Variants in DYM observed in about 807,000 individuals in gnomAD.
The protein encoded by DYM is dyggve-Melchior-Clausen syndrome protein.
In DYM, 78 loss-of-function variants were observed where a neutral mutation model predicts 93.1. That is an observed-to-expected ratio of 0.84 (90% CI 0.70 to 1.01). The LOEUF (loss-of-function observed/expected upper bound fraction) is 1.01. DYM is among the 50% of genes least tolerant of loss of function. DYM has a pLI of 0.00. For synonymous variants in DYM, 321 were observed against 319.7 expected, an observed-to-expected ratio of 1.00 and a Z score of -0.04; for missense variants, 789 against 845.0, an observed-to-expected ratio of 0.93 and a Z score of 0.82.
At chr18:49,259,244 A>C (rs1176727962) in intron 11 of DYM, among the ~76,000 whole-genome samples, 1 of 152,240 alleles carries the variant, frequency 6.6e-6, no homozygotes, top group Admixed American at 6.5e-5. Flanking sequence ...TTGCAAAACA[A>C]GTTAGTTAGA....
chr18:49,299,645 A>G (rs1275811613), intron 8 of DYM, among the ~76,000 whole-genome samples: 3 of 152,060 alleles, frequency 2.0e-5, no homozygotes, highest in African/African-American at 4.8e-5. Context: ...ATTCCTTTGT[A>G]CTCCTAGGAT....
chr18:49,094,581 C>A (rs903529437), intron 17 of DYM, among the ~76,000 whole-genome samples: 1 of 152,136 alleles, frequency 6.6e-6, no homozygotes, highest in South Asian at 2.1e-4. Flanking sequence ...ACTATTTACT[C>A]TGAACAGCCA....
chr18:49,421,475 T>C (rs1415109975), intron 2 of DYM, among the ~76,000 whole-genome samples: 1 of 152,068 alleles, frequency 6.6e-6, no homozygotes, highest in Non-Finnish European at 1.5e-5. Flanking sequence ...AGAAAGGACA[T>C]CCACACCAAA....
intron 10 of DYM, among the ~76,000 whole-genome samples, chr18:49,273,415 T>C (rs1218619240): frequency 1.3e-5 from 2 of 152,186 alleles, no homozygotes; most frequent in African/African-American, 4.8e-5. Context: ...CATAGTTACA[T>C]TTTTTAGTCA....
chr18:49,435,676 C>G (rs917747427), intron 1 of DYM, among the ~76,000 whole-genome samples: 4 of 151,816 alleles, frequency 2.6e-5, no homozygotes, highest in African/African-American at 9.7e-5. Context: ...GTAATCCCAG[C>G]TACTCAGGAG....
At chr18:49,170,757 G>A (rs1385143362) in intron 14 of DYM, among the ~76,000 whole-genome samples, 1 of 134,842 alleles carries the variant, frequency 7.4e-6, no homozygotes, top group Admixed American at 8.1e-5. Context: ...CTCCAGCCTG[G>A]GCAACAAAGT....
At chr18:49,305,010 A>G (rs2061189473) in intron 8 of DYM, among the ~76,000 whole-genome samples, 1 of 151,906 alleles carries the variant, frequency 6.6e-6, no homozygotes, top group Non-Finnish European at 1.5e-5. Context: ...CCTGACTACC[A>G]CTTCCCAGCA....
chr18:49,155,375 A>G (rs138154121), intron 15 of DYM, among the ~76,000 whole-genome samples: 82 of 152,262 alleles, frequency 5.4e-4, no homozygotes, highest in Non-Finnish European at 4.6e-4. Context: ...TTTTTTTTCA[A>G]TGGCTTCATC....
At chr18:49,399,934 C>CT (rs1201370040) in intron 2 of DYM, among the ~76,000 whole-genome samples, 18,480 of 66,198 alleles carry the variant, frequency 0.28, 4,056 homozygotes, top group Middle Eastern at 0.4. Flanking sequence ...TTTTATTTTT[C>CT]TTTTTTTTTT....
rs2070769747 is a variant in DYM at position 49,038,061 on chromosome 18, G to C, written c.*5994C>G. Among the ~76,000 whole-genome samples, 2 of 152,184 alleles carry C rather than the reference G, an allele frequency of 1.3e-5. No individual in the cohort carries two copies. The highest frequency in any genetic ancestry group is 1.3e-4 in the Admixed American group (2 of 15,278). Reference sequence around the variant, plus strand: ...GCTGGTCTCAAACTCCTGGGCTCAAGTGATCTTCCTGACTTGGCCTCTCAA... The same window carrying C: ...GCTGGTCTCAAACTCCTGGGCTCAACTGATCTTCCTGACTTGGCCTCTCAA... On this transcript the variant is annotated 3_prime_UTR_variant, in exon 18 of 18. Transcript: ENST00000675505.
intron 15 of DYM, among the ~76,000 whole-genome samples, chr18:49,148,094 C>CA (rs1259257230): frequency 1.3e-5 from 2 of 151,964 alleles, no homozygotes; most frequent in East Asian, 3.9e-4. Context: ...ATCGCAAGGA[C>CA]AAAAAACCAA....
chr18:49,300,414 A>G (rs1425890391), intron 8 of DYM, among the ~76,000 whole-genome samples: 1 of 152,036 alleles, frequency 6.6e-6, no homozygotes, highest in Non-Finnish European at 1.5e-5. Flanking sequence ...AGCCTGGGCA[A>G]CATAGTGAAA....
intron 14 of DYM, among the ~76,000 whole-genome samples, chr18:49,186,848 G>A (rs988887020): frequency 1.3e-5 from 2 of 151,626 alleles, no homozygotes; most frequent in Non-Finnish European, 2.9e-5. Flanking sequence ...GAGGACATAG[G>A]GACAAACGCT....
At chr18:49,386,009 G>T (rs537217424) in intron 3 of DYM, among the ~76,000 whole-genome samples, 4 of 152,216 alleles carry the variant, frequency 2.6e-5, no homozygotes, top group South Asian at 2.1e-4. Flanking sequence ...ACAGGGTCTT[G>T]CTATGTTGCC....
intron 9 of DYM, among the ~76,000 whole-genome samples, chr18:49,282,728 TTAAA>T (rs1238682412): frequency 2.6e-5 from 4 of 152,266 alleles, no homozygotes; most frequent in African/African-American, 9.6e-5. Context: ...GAACATGAAC[TTAAA>T]TAAACAGAAT....
chr18:49,110,013 G>C (rs1046540912), intron 16 of DYM, among the ~76,000 whole-genome samples: 1 of 152,142 alleles, frequency 6.6e-6, no homozygotes, highest in African/African-American at 2.4e-5. Context: ...AGACAAAATG[G>C]GTTGGCAACC....
At chr18:49,284,643 C>T (rs2095077549) in intron 9 of DYM, among the ~76,000 whole-genome samples, 1 of 152,160 alleles carries the variant, frequency 6.6e-6, no homozygotes, top group African/African-American at 2.4e-5. Context: ...ATTAAGCAAA[C>T]TGTCAAAGGT....
chr18:49,221,454 C>T (rs1054485859), intron 13 of DYM, among the ~76,000 whole-genome samples: 3 of 152,048 alleles, frequency 2.0e-5, no homozygotes, highest in Admixed American at 6.5e-5. Context: ...GACACATGCA[C>T]ACGTATGTTT....
intron 14 of DYM, among the ~76,000 whole-genome samples, chr18:49,202,622 G>T (rs1006409732): frequency 1.7e-5 from 2 of 120,354 alleles, no homozygotes; most frequent in African/African-American, 6.5e-5. Flanking sequence ...TGTCTGAGAT[G>T]TGGGGAGCGC....
Sources: allele counts gnomAD v4.1 joint callset (sites outside exome capture counted in the v4.1 genomes callset), GRCh38; gene constraint gnomAD v4.1.1; transcripts MANE v1.5; gene names NCBI Gene and HGNC (gene_info 2026-07-23, HGNC 2026-07-21).